SGK1: variants seen among roughly 807,000 people sequenced by gnomAD.
SGK1 encodes serine/threonine-protein kinase Sgk1.
SGK1 carries 26 observed loss-of-function variants against 64.2 expected under a neutral mutation model. That is an observed-to-expected ratio of 0.40 (90% CI 0.30 to 0.56). SGK1 has a LOEUF of 0.56. Ranked by LOEUF, SGK1 falls within the 20% of genes least tolerant of loss-of-function variation. SGK1 has a pLI of 0.38. For missense variants in SGK1, 519 were observed against 645.6 expected (o/e 0.80, Z 2.12); for synonymous variants, 265 against 239.7 (o/e 1.11, Z -0.98).
chr6:134,258,259 A>G (rs1776713295), intron 2 of SGK1, among the ~76,000 whole-genome samples: 1 of 151,838 alleles, frequency 6.6e-6, no homozygotes, highest in Admixed American at 6.6e-5. Context: ...ATCCACCACC[A>G]TGCTCAGCTA....
intron 1 of SGK1, among the ~76,000 whole-genome samples, chr6:134,304,699 C>A (rs1162820012): frequency 6.6e-6 from 1 of 150,646 alleles, no homozygotes; most frequent in Non-Finnish European, 1.5e-5. Context: ...AAGATCCTGT[C>A]TCAGAGAGAG....
intron 3 of SGK1, among the ~76,000 whole-genome samples, chr6:134,188,999 G>T (rs552755245): frequency 7.8e-4 from 116 of 148,322 alleles, no homozygotes; most frequent in Middle Eastern, 3.4e-3. Flanking sequence ...TCCCACCTTG[G>T]TCTCCCAAAA....
In SGK1 at chr6:134,207,390, G is replaced by A. The variant is rs777621512; in HGVS notation, c.327C>T (p.Pro109=). 57 of 1,612,308 alleles carry A rather than the reference G, an allele frequency of 3.5e-5. No individual in the cohort carries two copies. Among genetic ancestry groups the A allele is most frequent in the East Asian group, 1.3e-4 (6 of 44,860 alleles). Residue 109 remains proline, a synonymous_variant, in exon 3 of 14, where the codon CCC becomes CCT. Coordinates refer to ENST00000367858, the MANE Select transcript of SGK1 (RefSeq NM_001143676.3). The part of the protein sequence containing the change: ...PCNHANILTK[P]DPRTFWTNDD... ...CATTAGTCCAGAAGGTTCTTGGATC[G>A]GGCTTGGTCAGGATGTTGGCATGAT...
chr6:134,317,393 C>T lies in SGK1; in HGVS notation c.68G>A (p.Arg23Gln), dbSNP rs1777702572. Residue 23 changes from arginine to glutamine, a missense_variant and splice_region_variant, in exon 1 of 14, where the codon CGG (arginine) becomes CAG (glutamine). Arg to Gln is a conservative substitution (Grantham distance 43). Coordinates refer to ENST00000367858, the MANE Select transcript of SGK1 (RefSeq NM_001143676.3). ...GAAATAAGCAAAACCTGTCCTTACC[C>T]GCTTCTTAAAAAATTGGAAGGCTGA... ...KCSAFQFFKK[R>Q]VRRWIKSPMV... 6.3e-7 allele frequency: 1 copy of T among 1,587,766 alleles called. No individual in the cohort carries two copies. The highest frequency in any genetic ancestry group is 8.7e-7 in the Non-Finnish European group (1 of 1,155,906).
intron 1 of SGK1, among the ~76,000 whole-genome samples, chr6:134,296,597 C>CA (rs1218275279): frequency 6.6e-6 from 1 of 152,068 alleles, no homozygotes; most frequent in African/African-American, 2.4e-5. Flanking sequence ...GCTGAGATTA[C>CA]AGGCGTGAAC....
chr6:134,271,416 G>C (rs1472782336), intron 1 of SGK1, among the ~76,000 whole-genome samples: 1 of 147,714 alleles, frequency 6.8e-6, no homozygotes, highest in Non-Finnish European at 1.5e-5. Flanking sequence ...AGAGAAAGTA[G>C]GAAAATTATT....
intron 3 of SGK1, among the ~76,000 whole-genome samples, chr6:134,206,811 G>A (rs1202972982): frequency 1.3e-5 from 2 of 148,774 alleles, no homozygotes; most frequent in Non-Finnish European, 1.5e-5. Flanking sequence ...AGGTTGCAGT[G>A]AGCCGAGATC....
At chr6:134,214,092 T>TTA (rs1775938045) in intron 2 of SGK1, among the ~76,000 whole-genome samples, 1 of 151,952 alleles carries the variant, frequency 6.6e-6, no homozygotes, top group Non-Finnish European at 1.5e-5. Context: ...TAAAAAAAAT[T>TTA]TTTTTTTTTG....
intron 3 of SGK1, chr6:134,177,923 A>G: frequency 8.0e-7 from 1 of 1,254,062 alleles, no homozygotes. Context: ...AAAGTTCAAC[A>G]CTGGGCCATT....
intron 2 of SGK1, among the ~76,000 whole-genome samples, chr6:134,220,904 C>T (rs960128932): frequency 1.1e-4 from 16 of 151,738 alleles, no homozygotes; most frequent in African/African-American, 3.6e-4. Flanking sequence ...ATCACTTGAA[C>T]CCGGGAGGCA....
At chr6:134,227,504 T>A (rs1421598957) in intron 2 of SGK1, among the ~76,000 whole-genome samples, 1 of 152,166 alleles carries the variant, frequency 6.6e-6, no homozygotes, top group Non-Finnish European at 1.5e-5. Flanking sequence ...TGACACTCAC[T>A]CAGGACAGAA....
chr6:134,233,628 A>G (rs948727023), intron 2 of SGK1, among the ~76,000 whole-genome samples: 1 of 152,264 alleles, frequency 6.6e-6, no homozygotes, highest in Non-Finnish European at 1.5e-5. Context: ...GCATACTTGC[A>G]TATGTTGTAA....
At chr6:134,248,261 A>G (rs1267497008) in intron 2 of SGK1, among the ~76,000 whole-genome samples, 1 of 152,080 alleles carries the variant, frequency 6.6e-6, no homozygotes, top group Non-Finnish European at 1.5e-5. Context: ...CTGTTCTATT[A>G]GTAGTCTTCA....
Position 134,232,386 on chromosome 6 carries a change from A to G in SGK1, c.286-24955T>C, listed in dbSNP as rs562336533. On this transcript the variant is annotated intron_variant, in intron 2 of 13. Coordinates refer to ENST00000367858, the MANE Select transcript of SGK1 (RefSeq NM_001143676.3). ...GGCGATAGAGCAAGACTCTGTCTCA[A>G]AAAAAGAAAGAAGAAAAAGAAAGAA... Among the ~76,000 whole-genome samples the G allele has an allele frequency of 1.3e-3, 142 of 106,628 alleles. 2 individuals are homozygous for G. The highest frequency in any genetic ancestry group is 5.0e-3 in the African/African-American group (136 of 27,130). 70.0% of individuals were successfully genotyped at this position (106,628 alleles called of 152,430 possible).
intron 1 of SGK1, among the ~76,000 whole-genome samples, chr6:134,315,976 G>A (rs957254275): frequency 6.6e-6 from 1 of 152,234 alleles, no homozygotes; most frequent in African/African-American, 2.4e-5. Context: ...GCCTTGTGGA[G>A]CTCTGTGAAG....
At chr6:134,297,162 C>A in intron 1 of SGK1, 1 of 647,264 alleles carries the variant, frequency 1.5e-6, no homozygotes, top group Non-Finnish European at 2.8e-6. Context: ...GCACAGACCA[C>A]CTGCATAGCC....
chr6:134,202,260 T>A (rs1460345535), intron 3 of SGK1, among the ~76,000 whole-genome samples: 1 of 152,084 alleles, frequency 6.6e-6, no homozygotes, highest in Non-Finnish European at 1.5e-5. Flanking sequence ...AGCAAAAATA[T>A]CCTTCAAGAA....
rs1307105944 is a variant in SGK1 at position 134,273,162 on chromosome 6, T to G, written c.70-11014A>C. Among the ~76,000 whole-genome samples the G allele has an allele frequency of 1.4e-5, 2 of 147,774 alleles. 1 individual carries two copies. Among genetic ancestry groups the G allele is most frequent in the Non-Finnish European group, 3.0e-5 (2 of 66,754 alleles). Reference sequence around the variant, plus strand: ...GAGATGATGCAGGTAAGCCCAGTGCTTGACACCAGGTGAATCCTTCACAAA... The same window carrying G: ...GAGATGATGCAGGTAAGCCCAGTGCGTGACACCAGGTGAATCCTTCACAAA... On this transcript the variant is annotated intron_variant, in intron 1 of 13. Transcript: ENST00000367858.
At position 134,311,848 on chromosome 6, in the gene SGK1, A is replaced by G. The variant is rs114678215; in HGVS notation, c.69+5544T>C. 6.4e-3 allele frequency among the ~76,000 whole-genome samples: 977 copies of G among 152,292 alleles called. 3 individuals carry two copies. Among genetic ancestry groups the G allele is most frequent in the African/African-American group, 0.022 (934 of 41,556 alleles). ...CTGGAGTCTCCGCCGTGTTCCGGGA[A>G]GCATGATCAAACATATCTTGAAAAA... is the stretch of plus-strand genomic sequence containing the variant. On this transcript the variant is annotated intron_variant, in intron 1 of 13. Transcript: ENST00000367858.
Sources: gnomAD v4.1 joint callset for allele counts (sites outside exome capture counted in the v4.1 genomes callset) on GRCh38, gnomAD v4.1.1 for gene constraint, MANE v1.5 for transcripts, NCBI Gene and HGNC (gene_info 2026-07-23, HGNC 2026-07-21) for gene names.